CDH18: variants seen among roughly 807,000 people sequenced by gnomAD.
CDH18 encodes the protein cadherin-18.
A neutral mutation model predicts 67.9 loss-of-function variants in CDH18; 31 were observed. The ratio of observed to expected loss-of-function variants is 0.46; its 90% CI spans 0.34 to 0.62. The LOEUF (loss-of-function observed/expected upper bound fraction) is 0.62, where lower values mean the gene tolerates loss of function less well. CDH18 is among the 20% of genes least tolerant of loss of function. CDH18 has a pLI of 0.01. For missense variants in CDH18, 890 were observed against 975.5 expected (o/e 0.91, Z 1.17); for synonymous variants, 362 against 347.2 (o/e 1.04, Z -0.48).
intron 6 of CDH18, among the ~76,000 whole-genome samples, chr5:19,600,662 T>A (rs1198254812): frequency 1.1e-4 from 17 of 151,948 alleles, no homozygotes. Flanking sequence ...TATTAGATAC[T>A]TTCATGAAAA....
intron 2 of CDH18, among the ~76,000 whole-genome samples, chr5:19,885,166 A>G (rs1788067404): frequency 6.6e-6 from 1 of 152,186 alleles, no homozygotes. Flanking sequence ...AACATATCAA[A>G]GTTCAAAATC....
intron 1 of CDH18, among the ~76,000 whole-genome samples, chr5:20,450,493 A>G (rs1016625911): frequency 1.3e-5 from 2 of 152,184 alleles, no homozygotes; most frequent in Non-Finnish European, 2.9e-5. Flanking sequence ...TAAAAATAAA[A>G]ATGCATTGTA....
chr5:19,854,299 A>G (rs1330557017), intron 2 of CDH18, among the ~76,000 whole-genome samples: 1 of 152,102 alleles, frequency 6.6e-6, no homozygotes, highest in Non-Finnish European at 1.5e-5. Context: ...GAACCCTTAC[A>G]CGGGGCTTAT....
At chr5:19,503,459 A>G (rs1743595303) in intron 10 of CDH18, among the ~76,000 whole-genome samples, 1 of 152,124 alleles carries the variant, frequency 6.6e-6, no homozygotes, top group South Asian at 2.1e-4. Flanking sequence ...GTTTGCATAA[A>G]TATAAATATC....
At chr5:20,467,503 A>T (rs183420565) in intron 1 of CDH18, among the ~76,000 whole-genome samples, 171 of 152,318 alleles carry the variant, frequency 1.1e-3, no homozygotes, top group African/African-American at 4.0e-3. Flanking sequence ...AGGCTATGAC[A>T]GTCATTCAGT....
intron 3 of CDH18, among the ~76,000 whole-genome samples, chr5:19,798,834 A>G (rs571852503): frequency 6.6e-6 from 1 of 152,194 alleles, no homozygotes; most frequent in African/African-American, 2.4e-5. Flanking sequence ...ACATGATAAC[A>G]TATCTTTGGA....
intron 5 of CDH18, among the ~76,000 whole-genome samples, chr5:19,709,781 C>T (rs1764480188): frequency 6.6e-6 from 1 of 151,368 alleles, no homozygotes; most frequent in South Asian, 2.1e-4. Context: ...CACATAAGAC[C>T]AAAGCAAAAA....
chr5:20,414,679 T>G (rs905722538), intron 1 of CDH18, among the ~76,000 whole-genome samples: 4 of 152,156 alleles, frequency 2.6e-5, no homozygotes, highest in Non-Finnish European at 4.4e-5. Flanking sequence ...TATATGAATT[T>G]TTTTAAGACA....
Position 19,568,813 on chromosome 5 carries a change from G to C in CDH18, c.1253+2766C>G, listed in dbSNP as rs1740875746. 2.0e-5 allele frequency among the ~76,000 whole-genome samples: 3 copies of C among 152,072 alleles called. No individual in the cohort carries two copies. In the South Asian group the frequency reaches 6.2e-4, roughly 31 times the overall value. ...TTTTTGTTTATACCACACAGTCGAA[G>C]GTAATTTGTTATAGCAGCGTAAAGT... is the stretch of plus-strand genomic sequence containing the variant. On this transcript the variant is annotated intron_variant, in intron 8 of 12. Transcript: ENST00000382275.
At chr5:19,718,132 A>C (rs1765565357) in intron 5 of CDH18, among the ~76,000 whole-genome samples, 1 of 152,022 alleles carries the variant, frequency 6.6e-6, no homozygotes. Flanking sequence ...GAGATGGTTT[A>C]CAAAATAGGA....
intron 3 of CDH18, among the ~76,000 whole-genome samples, chr5:19,775,179 A>G (rs1774210863): frequency 6.6e-6 from 1 of 152,148 alleles, no homozygotes; most frequent in South Asian, 2.1e-4. Context: ...ATGACAAGCC[A>G]TGGTGAAGAT....
chr5:19,612,741 T>C, intron 5 of CDH18, 140 bp from the exon 6 acceptor site: 1 of 646,278 alleles, frequency 1.5e-6, no homozygotes, highest in Non-Finnish European at 2.7e-6. Context: ...AAAAACAATA[T>C]CTTACCAATG....
chr5:19,659,771 G>C (rs572089615), intron 5 of CDH18, among the ~76,000 whole-genome samples: 106 of 152,110 alleles, frequency 7.0e-4, no homozygotes, highest in Non-Finnish European at 1.3e-4. Context: ...CAGAGTACTT[G>C]AGCACTCACC....
At chr5:19,902,020 CA>C (rs1210661009) in intron 2 of CDH18, among the ~76,000 whole-genome samples, 3 of 151,578 alleles carry the variant, frequency 2.0e-5, no homozygotes, top group Non-Finnish European at 4.4e-5. Flanking sequence ...TTTCTTGTAT[CA>C]AAAAAACATG....
chr5:20,061,793 G>C (rs1279097872), intron 2 of CDH18, among the ~76,000 whole-genome samples: 2 of 152,158 alleles, frequency 1.3e-5, no homozygotes, highest in Admixed American at 6.5e-5. Context: ...TCATCTGGCT[G>C]TTAAACAAAG....
At position 19,701,138 on chromosome 5, in the gene CDH18, T is replaced by G. The variant is rs575572907; in HGVS notation, c.643+20209A>C. Among the ~76,000 whole-genome samples, 2 of 152,252 alleles carry G rather than the reference T, an allele frequency of 1.3e-5. 1 individual carries two copies. Among genetic ancestry groups the G allele is most frequent in the African/African-American group, 4.8e-5 (2 of 41,578 alleles). Reference sequence around the variant, plus strand: ...TATCAAATTTTAAATCTTGTATATTTGGGAAAATCTCTAGTTAGCAAAGTG... The same window carrying G: ...TATCAAATTTTAAATCTTGTATATTGGGGAAAATCTCTAGTTAGCAAAGTG... On this transcript the variant is annotated intron_variant, in intron 5 of 12. Coordinates refer to ENST00000382275, the MANE Select transcript of CDH18 (RefSeq NM_004934.5).
chr5:20,562,112 A>G (rs988513169), intron 1 of CDH18, among the ~76,000 whole-genome samples: 1 of 151,930 alleles, frequency 6.6e-6, no homozygotes, highest in Non-Finnish European at 1.5e-5. Context: ...CAAAAACCAG[A>G]GATCTATAAT....
intron 2 of CDH18, among the ~76,000 whole-genome samples, chr5:19,909,702 AAT>A (rs1422286896): frequency 6.6e-6 from 1 of 152,118 alleles, no homozygotes; most frequent in Non-Finnish European, 1.5e-5. Flanking sequence ...CAAAAAAAAA[AAT>A]CTATACATAT....
intron 2 of CDH18, among the ~76,000 whole-genome samples, chr5:19,994,733 A>T (rs1375082903): frequency 1.1e-3 from 12 of 10,630 alleles, no homozygotes; most frequent in African/African-American, 4.3e-3. Context: ...ATATATATAT[A>T]TATATAGAGA....
Sources: allele counts gnomAD v4.1 joint callset (sites outside exome capture counted in the v4.1 genomes callset), GRCh38; gene constraint gnomAD v4.1.1; transcripts MANE v1.5; gene names NCBI Gene and HGNC (gene_info 2026-07-23, HGNC 2026-07-21).